The following RFX8 variants were observed in gnomAD, a reference collection of about 807,000 sequenced individuals.
RFX8 encodes the protein DNA-binding protein RFX8.
Under a neutral mutation model 54.6 loss-of-function variants are expected in RFX8, and 46 were observed. The ratio of observed to expected loss-of-function variants is 0.84; its 90% confidence interval spans 0.67 to 1.08. RFX8 has a LOEUF of 1.08. RFX8 is among the 50% of genes least tolerant of loss of function. The pLI is 0.00. For missense variants in RFX8, 536 were observed against 562.3 expected (o/e 0.95, Z 0.47); for synonymous variants, 192 against 209.5 (o/e 0.92, Z 0.72).
intron 2 of RFX8, among the ~76,000 whole-genome samples, chr2:101,456,524 G>T (rs916861555): frequency 6.6e-6 from 1 of 152,180 alleles, no homozygotes; most frequent in African/African-American, 2.4e-5. Context: ...TTATTGATTT[G>T]CGTATGTTGA....
intron 2 of RFX8, among the ~76,000 whole-genome samples, chr2:101,442,306 T>C (rs1269578771): frequency 6.6e-6 from 1 of 152,268 alleles, no homozygotes; most frequent in Non-Finnish European, 1.5e-5. Context: ...GTATTGTATG[T>C]ATCCCATATT....
At chr2:101,451,649 A>G (rs1573458594) in intron 2 of RFX8, among the ~76,000 whole-genome samples, 1 of 146,226 alleles carries the variant, frequency 6.8e-6, no homozygotes, top group African/African-American at 2.6e-5. Context: ...TGATCACGCC[A>G]TTGCACTCCA....
chr2:101,472,774 T>A (rs1393017106), intron 1 of RFX8, among the ~76,000 whole-genome samples: 1 of 152,130 alleles, frequency 6.6e-6, no homozygotes, highest in Non-Finnish European at 1.5e-5. Context: ...TCCCAGCACT[T>A]TGGGAGGCCG....
At chr2:101,434,025 C>G (rs1687636249) in intron 2 of RFX8, among the ~76,000 whole-genome samples, 1 of 152,122 alleles carries the variant, frequency 6.6e-6, no homozygotes, top group Non-Finnish European at 1.5e-5. Flanking sequence ...TTAAAATACA[C>G]TCAGCACTTA....
At chr2:101,464,660 C>A (rs1400167656) in intron 2 of RFX8, among the ~76,000 whole-genome samples, 1 of 152,100 alleles carries the variant, frequency 6.6e-6, no homozygotes, top group Non-Finnish European at 1.5e-5. Context: ...CCAATGAGAG[C>A]TGAAAGTTAG....
Position 101,453,285 on chromosome 2 carries a change from ATAAAT to A in RFX8, c.72+13487_72+13491del, listed in dbSNP as rs1558882220. Among the ~76,000 whole-genome samples the A allele has an allele frequency of 3.3e-4, 47 of 143,744 alleles. 2 individuals are homozygous for A. Among genetic ancestry groups the A allele is most frequent in the African/African-American group, 4.5e-4 (17 of 37,884 alleles). The allele number at this position is 143,744 out of a possible 152,430, so 94.3% of individuals were successfully genotyped here. A position where few individuals can be genotyped will look rare whatever the true frequency, so the allele number is the denominator to read the frequency against. On this transcript the variant is annotated intron_variant, in intron 2 of 11. Transcript: ENST00000428343. Reference sequence around the variant, plus strand: ...GAGCAAGACTCTGTCTCAAAAAAAAATAAATAAATAAAAAGAGAGAAAAAAAGAAA... The same window carrying A: ...GAGCAAGACTCTGTCTCAAAAAAAAAAAATAAAAAGAGAGAAAAAAAGAAA...
At chr2:101,465,809 AG>A (rs1216704279) in intron 2 of RFX8, among the ~76,000 whole-genome samples, 1 of 152,348 alleles carries the variant, frequency 6.6e-6, no homozygotes, top group Non-Finnish European at 1.5e-5. Context: ...AGCCAAAAAA[AG>A]GTAAGCGCTC....
At chr2:101,453,349 C>T (rs72981051) in intron 2 of RFX8, among the ~76,000 whole-genome samples, 4,407 of 150,926 alleles carry the variant, frequency 0.029, 150 homozygotes, top group African/African-American at 0.089. Flanking sequence ...ATTTAAATCT[C>T]GATGTTGGCC....
rs1358736426 is a variant in RFX8, at chr2:101,422,473, C to T, written c.73-1G>A. 2.6e-6 allele frequency: 4 copies of T among 1,517,142 alleles called. No individual in the cohort carries two copies. In the African/African-American group the frequency reaches 4.1e-5, roughly 16 times the overall value. 94.0% of individuals were successfully genotyped at this position (1,517,142 alleles called of 1,614,324 possible). On this transcript the variant is annotated splice_acceptor_variant, in intron 2 of 11. Coordinates refer to ENST00000428343, the MANE Select transcript of RFX8 (RefSeq NM_001145664.2). LOFTEE classifies it high-confidence loss of function. ...TCTTCATCGGTGAATGATCTTCACA[C>T]TAAAAATCATTTGTGCAATGGATTA...
At chr2:101,446,423 C>T (rs1374074415) in intron 2 of RFX8, among the ~76,000 whole-genome samples, 1 of 120,556 alleles carries the variant, frequency 8.3e-6, no homozygotes, top group East Asian at 2.4e-4. Context: ...ATCCACTCGC[C>T]TTGGTCTCCC....
intron 2 of RFX8, among the ~76,000 whole-genome samples, chr2:101,428,294 A>G (rs1180083019): frequency 6.6e-6 from 1 of 152,170 alleles, no homozygotes; most frequent in African/African-American, 2.4e-5. Context: ...TGGTATTTGG[A>G]GGTGGGGCCT....
At chr2:101,421,393 T>C (rs2280124) in intron 4 of RFX8, 295,787 of 1,030,010 alleles carry the variant, frequency 0.29, 43,290 homozygotes, top group South Asian at 0.35. Flanking sequence ...TTCGGCACCA[T>C]TGAAAATTCC....
At chr2:101,419,363 A>G (rs1484319223) in intron 4 of RFX8, among the ~76,000 whole-genome samples, 1 of 152,178 alleles carries the variant, frequency 6.6e-6, no homozygotes, top group Non-Finnish European at 1.5e-5. Context: ...GAAAGGTGTG[A>G]TAGTACTTAA....
At chr2:101,399,235 C>T (rs1685293936) in intron 11 of RFX8, among the ~76,000 whole-genome samples, 1 of 152,146 alleles carries the variant, frequency 6.6e-6, no homozygotes, top group African/African-American at 2.4e-5. Flanking sequence ...GGGTGTTAAA[C>T]GGTGGCAGAT....
At chr2:101,466,343 G>T (rs1689573739) in intron 2 of RFX8, among the ~76,000 whole-genome samples, 1 of 150,902 alleles carries the variant, frequency 6.6e-6, no homozygotes, top group African/African-American at 2.4e-5. Context: ...AACCTCCAGA[G>T]ATCTTTTAAG....
chr2:101,448,981 T>A lies in RFX8; in HGVS notation c.72+17796A>T, dbSNP rs78189983. On this transcript the variant is annotated intron_variant, in intron 2 of 11. Transcript: ENST00000428343. The stretch of plus-strand genomic sequence containing the variant: ...AAGAACTTTCCTGTAGCTGGCATTG[T>A]TGGGGATGGTCCCATGGGGCAGGTG... Among the ~76,000 whole-genome samples, 257 of 152,280 alleles carry A rather than the reference T, an allele frequency of 1.7e-3. 9 individuals carry two copies. The East Asian group carries it at 0.047, about 28-fold the overall frequency.
chr2:101,427,157 T>C (rs1687221702), intron 2 of RFX8, among the ~76,000 whole-genome samples: 1 of 152,140 alleles, frequency 6.6e-6, no homozygotes, highest in Non-Finnish European at 1.5e-5. Context: ...TCAAGGATAA[T>C]ATGACAGGCA....
At chr2:101,448,064 C>G (rs1186891183) in intron 2 of RFX8, among the ~76,000 whole-genome samples, 1 of 152,130 alleles carries the variant, frequency 6.6e-6, no homozygotes, top group African/African-American at 2.4e-5. Flanking sequence ...GGTTATTAAT[C>G]CCATTCATGA....
chr2:101,443,078 A>G (rs1688185474), intron 2 of RFX8, among the ~76,000 whole-genome samples: 1 of 152,216 alleles, frequency 6.6e-6, no homozygotes, highest in African/African-American at 2.4e-5. Context: ...GAGCAACTCA[A>G]GGAAGGAAGA....
Sources: allele counts gnomAD v4.1 joint callset (sites outside exome capture counted in the v4.1 genomes callset), GRCh38; gene constraint gnomAD v4.1.1; transcripts MANE v1.5; gene names NCBI Gene and HGNC (gene_info 2026-07-23, HGNC 2026-07-21).